The following DSCAM variants were observed in gnomAD, a reference collection of about 807,000 sequenced individuals.
DSCAM encodes the protein cell adhesion molecule DSCAM.
Under a neutral mutation model 217.7 loss-of-function variants are expected in DSCAM, and 47 were observed. The observed-to-expected ratio is 0.22, with a 90% CI of 0.17 to 0.28. The LOEUF is 0.28. Among genes scored for constraint, DSCAM ranks in the 10% least tolerant of loss-of-function variants. DSCAM has a pLI of 1.00. For synonymous variants in DSCAM, 1,056 were observed against 1,015.3 expected, an observed-to-expected ratio of 1.04 and a Z score of -0.76; for missense variants, 2,080 against 2,618.3, an observed-to-expected ratio of 0.79 and a Z score of 4.49.
chr21:40,806,499 A>G (rs969792720), intron 1 of DSCAM, among the ~76,000 whole-genome samples: 1 of 152,250 alleles, frequency 6.6e-6, no homozygotes, highest in Non-Finnish European at 1.5e-5. Context: ...ACCTTGGGTA[A>G]AAAGTCACAT....
At chr21:40,465,173 G>C (rs990163344) in intron 3 of DSCAM, among the ~76,000 whole-genome samples, 3 of 152,112 alleles carry the variant, frequency 2.0e-5, no homozygotes, top group African/African-American at 7.2e-5. Flanking sequence ...TCTGGCATCA[G>C]TGTGTCTCTT....
At chr21:40,340,222 A>C (rs2123596054) in intron 6 of DSCAM, among the ~76,000 whole-genome samples, 1 of 152,318 alleles carries the variant, frequency 6.6e-6, no homozygotes, top group East Asian at 1.9e-4. Flanking sequence ...ACTAATAATT[A>C]TGCCAAGAGA....
chr21:40,178,050 A>C (rs1254228870), intron 15 of DSCAM, among the ~76,000 whole-genome samples: 1 of 152,206 alleles, frequency 6.6e-6, no homozygotes, highest in Non-Finnish European at 1.5e-5. Flanking sequence ...CCCTTTCCCT[A>C]CAATAAATGG....
At chr21:40,143,400 T>C (rs938113789) in intron 17 of DSCAM, among the ~76,000 whole-genome samples, 1 of 152,202 alleles carries the variant, frequency 6.6e-6, no homozygotes, top group Non-Finnish European at 1.5e-5. Context: ...ATTATGAAGA[T>C]AGACAATTCC....
At chr21:40,282,653 A>G (rs2073778301) in intron 10 of DSCAM, among the ~76,000 whole-genome samples, 1 of 151,566 alleles carries the variant, frequency 6.6e-6, no homozygotes, top group Non-Finnish European at 1.5e-5. Flanking sequence ...AATTATATAA[A>G]ACTGTATTTA....
chr21:40,281,034 T>G (rs1415107221), intron 10 of DSCAM, among the ~76,000 whole-genome samples: 2 of 152,180 alleles, frequency 1.3e-5, no homozygotes, highest in Non-Finnish European at 2.9e-5. Flanking sequence ...AGCCAACCCC[T>G]TGGCTGCAAT....
intron 3 of DSCAM, among the ~76,000 whole-genome samples, chr21:40,378,136 C>T (rs1445362994): frequency 4.6e-5 from 7 of 152,150 alleles, no homozygotes; most frequent in African/African-American, 9.7e-5. Flanking sequence ...AATGAAGAGG[C>T]ATATCCAAAT....
chr21:40,337,900 A>G (rs1031784356), intron 8 of DSCAM, among the ~76,000 whole-genome samples: 1 of 152,216 alleles, frequency 6.6e-6, no homozygotes, highest in Non-Finnish European at 1.5e-5. Flanking sequence ...CCACCTGGAG[A>G]GAAAATCAGA....
chr21:40,517,636 T>C (rs1392246361), intron 3 of DSCAM, among the ~76,000 whole-genome samples: 1 of 152,130 alleles, frequency 6.6e-6, no homozygotes, highest in African/African-American at 2.4e-5. Flanking sequence ...TACCTGGAAC[T>C]TCAACAAAAC....
chr21:40,819,104 T>G (rs548084988), intron 1 of DSCAM, among the ~76,000 whole-genome samples: 9 of 152,316 alleles, frequency 5.9e-5, no homozygotes, highest in African/African-American at 1.9e-4. Flanking sequence ...GGCCCAGGGC[T>G]ATTTGCCCAA....
In DSCAM at chr21:40,241,427, C is replaced by T. The variant is rs531745787; in HGVS notation, c.2356+34670G>A. Among the ~76,000 whole-genome samples the T allele has an allele frequency of 7.3e-4, 111 of 152,072 alleles. 1 individual carries two copies. The highest frequency in any genetic ancestry group is 5.2e-3 in the Admixed American group (80 of 15,280). ...ATCACTAGAGAAATGCAAATCAAGA[C>T]GACAATGATATACCATCTCATACCA... On this transcript the variant is annotated intron_variant, in intron 11 of 32. Transcript: ENST00000400454.
At chr21:40,253,724 G>A (rs945948635) in intron 11 of DSCAM, among the ~76,000 whole-genome samples, 5 of 152,250 alleles carry the variant, frequency 3.3e-5, no homozygotes, top group African/African-American at 1.2e-4. Flanking sequence ...CCTGGTTGGT[G>A]AATATATGGG....
rs528812311 is a variant in DSCAM at position 40,120,325 on chromosome 21, T to A, written c.3696+3870A>T. Among the ~76,000 whole-genome samples the A allele has an allele frequency of 3.9e-5, 6 of 152,318 alleles. No individual in the cohort carries two copies. In the South Asian group the frequency reaches 1.0e-3, roughly 26 times the overall value. On this transcript the variant is annotated intron_variant, in intron 20 of 32. Coordinates refer to ENST00000400454, the MANE Select transcript of DSCAM (RefSeq NM_001389.5). ...TAATGAGAAGTCTGTGCTTCCTAAT[T>A]TTACATTTCTAAGCTCCGCAAATGA...
At chr21:40,456,166 G>C (rs1160670297) in intron 3 of DSCAM, among the ~76,000 whole-genome samples, 1 of 151,694 alleles carries the variant, frequency 6.6e-6, no homozygotes, top group Non-Finnish European at 1.5e-5. Context: ...TTGCAAGAAG[G>C]CTTGAATATG....
intron 1 of DSCAM, among the ~76,000 whole-genome samples, chr21:40,750,805 C>T (rs2146561404): frequency 6.6e-6 from 1 of 152,232 alleles, no homozygotes; most frequent in African/African-American, 2.4e-5. Context: ...TTTTCTGTCA[C>T]CTCAAATCCA....
intron 3 of DSCAM, among the ~76,000 whole-genome samples, chr21:40,648,957 C>T (rs12482290): frequency 0.38 from 57,954 of 151,994 alleles, 11,889 homozygotes; most frequent in East Asian, 0.6. Flanking sequence ...GCAAGCTCAG[C>T]GGGTGGGGGT....
intron 1 of DSCAM, among the ~76,000 whole-genome samples, chr21:40,828,183 G>A (rs533254060): frequency 1.5e-4 from 23 of 152,094 alleles, no homozygotes; most frequent in Non-Finnish European, 2.8e-4. Context: ...CGGGGGGACT[G>A]TTTGAGCCCA....
At chr21:40,072,623 C>G (rs1301313101) in intron 27 of DSCAM, among the ~76,000 whole-genome samples, 1 of 152,100 alleles carries the variant, frequency 6.6e-6, no homozygotes, top group African/African-American at 2.4e-5. Context: ...GCTAGGATTA[C>G]AGGTGTGAGC....
At chr21:40,699,004 T>G (rs780763271) in intron 2 of DSCAM, among the ~76,000 whole-genome samples, 5 of 152,212 alleles carry the variant, frequency 3.3e-5, no homozygotes, top group Non-Finnish European at 5.9e-5. Context: ...GGAGAGATTA[T>G]GTTTTTTACA....
Sources: allele counts gnomAD v4.1 joint callset (sites outside exome capture counted in the v4.1 genomes callset), GRCh38; gene constraint gnomAD v4.1.1; transcripts MANE v1.5; gene names NCBI Gene and HGNC (gene_info 2026-07-23, HGNC 2026-07-21).